The following TDRD1 variants were observed in gnomAD, a reference collection of about 807,000 sequenced individuals.
TDRD1 encodes the protein tudor domain-containing protein 1.
TDRD1 carries 37 observed loss-of-function variants against 140.6 expected under a neutral mutation model. The ratio of observed to expected loss-of-function variants is 0.26; its 90% CI spans 0.20 to 0.35. The LOEUF is 0.35. Among genes scored for constraint, TDRD1 ranks in the 10% least tolerant of loss-of-function variants. The probability of loss-of-function intolerance (pLI) is 1.00; values close to 1 mark genes in which losing one functional copy is unlikely to be tolerated. For missense variants in TDRD1, 1,243 were observed against 1,393.0 expected (o/e 0.89, Z 1.71); for synonymous variants, 506 against 475.7 (o/e 1.06, Z -0.83).
Position 114,210,775 on chromosome 10 carries a change from A to C in TDRD1, c.1552+27A>C, listed in dbSNP as rs369794993. ...TAAGTCAGCTTTCTTGATTTGCTCT[A>C]TGAAGCTAAAATACTTCAAGAGACT... On this transcript the variant is annotated intron_variant, in intron 12 of 25. Transcript: ENST00000251864. The C allele has an allele frequency of 3.1e-6, 5 of 1,610,148 alleles. No individual in the cohort carries two copies. In the African/African-American group the frequency reaches 6.7e-5, roughly 22 times the overall value.
chr10:114,227,000 A>G (rs1463663631), intron 22 of TDRD1, 72 bp from the exon 23 acceptor site: 4 of 817,738 alleles, frequency 4.9e-6, no homozygotes, highest in Non-Finnish European at 7.7e-6. Flanking sequence ...TTTGCTTATT[A>G]TTCTTAGATA....
intron 13 of TDRD1, 100 bp from the exon 14 acceptor site, chr10:114,211,762 TAAAG>T (rs2035498815): frequency 2.5e-6 from 3 of 1,191,512 alleles, no homozygotes; most frequent in African/African-American, 3.2e-5. Flanking sequence ...TGATATCTAT[TAAAG>T]AAAAATCTAT....
intron 3 of TDRD1, among the ~76,000 whole-genome samples, chr10:114,198,204 G>A (rs551609244): frequency 1.3e-5 from 2 of 152,140 alleles, no homozygotes; most frequent in Non-Finnish European, 2.9e-5. Context: ...CTAGTGACAC[G>A]GGTGGAGAGA....
At chr10:114,180,259 T>G (rs745462656) in intron 1 of TDRD1, among the ~76,000 whole-genome samples, 12 of 152,296 alleles carry the variant, frequency 7.9e-5, no homozygotes, top group Non-Finnish European at 1.0e-4. Context: ...GCTAAGTGAT[T>G]TACTTCGTCT....
At chr10:114,190,852 T>C in intron 2 of TDRD1, 109 bp from the exon 3 acceptor site, 1 of 1,038,652 alleles carries the variant, frequency 9.6e-7, no homozygotes, top group Non-Finnish European at 1.5e-6. Flanking sequence ...TATAAGGTCA[T>C]TGTGGTATAG....
At position 114,211,073 on chromosome 10, in the gene TDRD1, G is replaced by T. The variant is rs1589694842; in HGVS notation, c.1660+106G>T. The T allele has an allele frequency of 2.3e-5, 19 of 832,168 alleles. 1 individual carries two copies. The East Asian group carries it at 5.2e-4, about 23-fold the overall frequency. The allele number at this position is 832,168 out of a possible 1,614,324, so 51.5% of individuals were successfully genotyped here. A position where few individuals can be genotyped will look rare whatever the true frequency, so the allele number is the denominator to read the frequency against. Reference sequence around the variant, plus strand: ...GAGTCTTTGGTTTGCACTGATGGCTGGATTTAAAGCTTGAATATTAGAGTG... The same window carrying T: ...GAGTCTTTGGTTTGCACTGATGGCTTGATTTAAAGCTTGAATATTAGAGTG... On this transcript the variant is annotated intron_variant, in intron 13 of 25. Transcript: ENST00000251864.
chr10:114,206,472 A>G, intron 11 of TDRD1, 142 bp downstream of exon 11: 1 of 592,766 alleles, frequency 1.7e-6, no homozygotes, highest in Non-Finnish European at 2.9e-6. Context: ...GCTGTTTTAT[A>G]TTTAGTAGTA....
At chr10:114,209,062 G>A (rs1384905291) in intron 11 of TDRD1, among the ~76,000 whole-genome samples, 2 of 152,060 alleles carry the variant, frequency 1.3e-5, no homozygotes, top group South Asian at 2.1e-4. Flanking sequence ...GATTACAAGC[G>A]TGAGCCACAC....
intron 3 of TDRD1, among the ~76,000 whole-genome samples, chr10:114,191,500 T>C (rs1032333607): frequency 6.6e-6 from 1 of 152,190 alleles, no homozygotes; most frequent in African/African-American, 2.4e-5. Flanking sequence ...CCTTTTGGGA[T>C]TGGCTTTTGT....
chr10:114,184,660 A>G (rs1008899364), intron 1 of TDRD1, among the ~76,000 whole-genome samples: 6 of 152,174 alleles, frequency 3.9e-5, no homozygotes, highest in African/African-American at 9.7e-5. Flanking sequence ...GAGGTTCTTA[A>G]TATTTATCCC....
At chr10:114,194,759 T>G (rs1021632475) in intron 3 of TDRD1, among the ~76,000 whole-genome samples, 3 of 81,208 alleles carry the variant, frequency 3.7e-5, no homozygotes, top group Non-Finnish European at 8.2e-5. Flanking sequence ...TGGTTGTTGG[T>G]TTTTTTTTTT....
chr10:114,179,823 T>C (rs916382192), intron 1 of TDRD1: 1 of 152,226 alleles, frequency 6.6e-6, no homozygotes, highest in African/African-American at 2.4e-5. Flanking sequence ...CAGCTGGCGC[T>C]AGTTTGTTTA....
At chr10:114,224,528 C>G (rs146604088) in intron 21 of TDRD1, among the ~76,000 whole-genome samples, 130 of 152,266 alleles carry the variant, frequency 8.5e-4, no homozygotes, top group African/African-American at 3.0e-3. Flanking sequence ...TTAGGAGCTT[C>G]AAGTCTTCTA....
exon 26 of TDRD1, chr10:114,231,776 G>C: frequency 2.3e-6 from 1 of 430,510 alleles, no homozygotes; most frequent in Admixed American, 4.5e-5. Flanking sequence ...TGCTATATAT[G>C]TAACTTTTTA....
chr10:114,206,387 C>T (rs2035103976), intron 11 of TDRD1, 57 bp downstream of exon 11: 2 of 1,431,308 alleles, frequency 1.4e-6, no homozygotes, highest in Non-Finnish European at 2.0e-6. Flanking sequence ...AGACCATCTA[C>T]CTACTAAACA....
At chr10:114,225,766 AG>A (rs2036400281) in intron 21 of TDRD1, among the ~76,000 whole-genome samples, 2 of 151,660 alleles carry the variant, frequency 1.3e-5, no homozygotes, top group African/African-American at 4.8e-5. Context: ...CTGAGGTGAG[AG>A]GATCACTTGA....
chr10:114,222,481 A>C, intron 20 of TDRD1, 106 bp from the exon 21 acceptor site: 1 of 531,104 alleles, frequency 1.9e-6, no homozygotes, highest in Admixed American at 2.9e-5. Flanking sequence ...AATATATTTT[A>C]ATACACAAAG....
chr10:114,187,594 G>C (rs866428339), intron 1 of TDRD1, among the ~76,000 whole-genome samples: 10 of 152,142 alleles, frequency 6.6e-5, no homozygotes, highest in South Asian at 2.1e-4. Flanking sequence ...TGAGATTTTT[G>C]ATTTTTCATG....
intron 21 of TDRD1, among the ~76,000 whole-genome samples, chr10:114,223,605 G>A (rs1194234862): frequency 1.3e-5 from 2 of 152,148 alleles, no homozygotes; most frequent in African/African-American, 4.8e-5. Context: ...ATGAGAACTG[G>A]ATCTATACTT....
Sources: allele counts gnomAD v4.1 joint callset (sites outside exome capture counted in the v4.1 genomes callset), GRCh38; gene constraint gnomAD v4.1.1; transcripts MANE v1.5; gene names NCBI Gene and HGNC (gene_info 2026-07-23, HGNC 2026-07-21).